DOK6: variants seen among roughly 807,000 people sequenced by gnomAD.
The protein encoded by DOK6 is docking protein 6.
Under a neutral mutation model 44.0 loss-of-function variants are expected in DOK6, and 22 were observed. The observed-to-expected ratio is 0.50, with a 90% CI of 0.36 to 0.71. DOK6 has a LOEUF of 0.71. Among genes scored for constraint, DOK6 ranks in the 30% least tolerant of loss-of-function variants. The pLI is 0.00. For missense variants in DOK6, 340 were observed against 416.4 expected (o/e 0.82, Z 1.60); for synonymous variants, 166 against 145.5 (o/e 1.14, Z -1.01).
chr18:69,410,529 A>G (rs962449440), intron 1 of DOK6, among the ~76,000 whole-genome samples: 15 of 152,248 alleles, frequency 9.9e-5, no homozygotes, highest in African/African-American at 3.6e-4. Context: ...ATGTAACACT[A>G]ATTTCCTGAC....
chr18:69,553,479 C>T (rs1982614673), intron 1 of DOK6, among the ~76,000 whole-genome samples: 1 of 152,116 alleles, frequency 6.6e-6, no homozygotes. Context: ...AAAACAGAGG[C>T]TTTGGAGACA....
intron 4 of DOK6, among the ~76,000 whole-genome samples, chr18:69,680,871 C>T (rs899895217): frequency 6.9e-5 from 10 of 145,598 alleles, no homozygotes; most frequent in African/African-American, 2.3e-4. Context: ...GTAGGGAAAG[C>T]ATTTTAGCTA....
chr18:69,530,282 A>C (rs2144572484), intron 1 of DOK6, among the ~76,000 whole-genome samples: 1 of 152,282 alleles, frequency 6.6e-6, no homozygotes, highest in South Asian at 2.1e-4. Context: ...TGGTGGTAGA[A>C]CTTTATATTG....
At chr18:69,506,536 T>C (rs1026887479) in intron 1 of DOK6, among the ~76,000 whole-genome samples, 6 of 152,174 alleles carry the variant, frequency 3.9e-5, no homozygotes, top group Admixed American at 6.6e-5. Flanking sequence ...TTATATTTAA[T>C]ATAATGCATT....
At chr18:69,566,111 GTTTATTTATTTATTTA>G (rs56218878) in intron 2 of DOK6, among the ~76,000 whole-genome samples, 6 of 150,118 alleles carry the variant, frequency 4.0e-5, no homozygotes, top group South Asian at 2.1e-4. Context: ...GTACAGCTCG[GTTTATTTATTTATTTA>G]TTTATTTATT....
chr18:69,571,447 T>C (rs141686113), intron 2 of DOK6, among the ~76,000 whole-genome samples: 21 of 152,094 alleles, frequency 1.4e-4, no homozygotes, highest in African/African-American at 4.3e-4. Context: ...AAAAATTATT[T>C]GAATGGAAAT....
intron 7 of DOK6, among the ~76,000 whole-genome samples, chr18:69,837,220 G>A (rs1179292629): frequency 6.6e-6 from 1 of 152,112 alleles, no homozygotes; most frequent in Non-Finnish European, 1.5e-5. Flanking sequence ...CAGTTCTGGA[G>A]ACCGGGAAGT....
At chr18:69,434,156 C>A (rs141705166) in intron 1 of DOK6, among the ~76,000 whole-genome samples, 1 of 152,144 alleles carries the variant, frequency 6.6e-6, no homozygotes, top group Non-Finnish European at 1.5e-5. Context: ...CCTGGTGGAG[C>A]CAGTAGAAGC....
At chr18:69,699,883 A>G (rs1231396949) in intron 5 of DOK6, among the ~76,000 whole-genome samples, 2 of 152,110 alleles carry the variant, frequency 1.3e-5, no homozygotes, top group Non-Finnish European at 2.9e-5. Context: ...AAGACTGGGC[A>G]ATTCACCAAA....
At chr18:69,512,248 CA>C (rs1981387469) in intron 1 of DOK6, among the ~76,000 whole-genome samples, 1 of 151,552 alleles carries the variant, frequency 6.6e-6, no homozygotes. Flanking sequence ...TCAATCAATG[CA>C]ATCGATGCTA....
chr18:69,633,532 C>T (rs1384503800), intron 3 of DOK6, among the ~76,000 whole-genome samples: 1 of 151,960 alleles, frequency 6.6e-6, no homozygotes, highest in Non-Finnish European at 1.5e-5. Context: ...TTATTTTTGC[C>T]GTAGTTTAAA....
chr18:69,795,082 C>G (rs1298160086), intron 7 of DOK6, among the ~76,000 whole-genome samples: 1 of 152,116 alleles, frequency 6.6e-6, no homozygotes, highest in East Asian at 1.9e-4. Flanking sequence ...ATCCCCCACC[C>G]TGATCCATGG....
Position 69,684,063 on chromosome 18 carries a change from A to G in DOK6, c.409+6210A>G, listed in dbSNP as rs1599261501. Among the ~76,000 whole-genome samples, 12 of 152,334 alleles carry G rather than the reference A, an allele frequency of 7.9e-5. 1 individual carries two copies. In the South Asian group the frequency reaches 2.5e-3, roughly 32 times the overall value. The stretch of plus-strand genomic sequence containing the variant: ...CAGCCCCTCTAGAAGAAATAAGATG[A>G]CACTAATGGATGAAACACAAAGTCT... On this transcript the variant is annotated intron_variant, in intron 4 of 7. Transcript: ENST00000382713.
At chr18:69,655,519 G>A (rs1985337939) in intron 3 of DOK6, among the ~76,000 whole-genome samples, 2 of 151,942 alleles carry the variant, frequency 1.3e-5, no homozygotes, top group Admixed American at 1.3e-4. Flanking sequence ...TTGGGAGGTC[G>A]AGGTGGGTGG....
chr18:69,476,324 A>G (rs2144526402), intron 1 of DOK6, among the ~76,000 whole-genome samples: 1 of 152,354 alleles, frequency 6.6e-6, no homozygotes, highest in South Asian at 2.1e-4. Context: ...AAGAATATAC[A>G]TAAGAGTAAA....
At chr18:69,579,739 T>C (rs1439726312) in intron 2 of DOK6, among the ~76,000 whole-genome samples, 1 of 152,060 alleles carries the variant, frequency 6.6e-6, no homozygotes, top group Admixed American at 6.6e-5. Flanking sequence ...AATTTTTGTA[T>C]ATTTTTGTTT....
intron 1 of DOK6, among the ~76,000 whole-genome samples, chr18:69,550,864 A>C (rs1599187135): frequency 6.8e-6 from 1 of 146,920 alleles, no homozygotes; most frequent in Non-Finnish European, 1.5e-5. Context: ...GCTCACTGAA[A>C]CCGCTGCCTC....
In DOK6 at chr18:69,847,474, C is replaced by T. The variant is rs1314391671; in HGVS notation, c.*6091C>T. 1 of 152,110 alleles carries T rather than the reference C, an allele frequency of 6.6e-6. No homozygotes were observed. Among genetic ancestry groups the T allele is most frequent in the Non-Finnish European group, 1.5e-5 (1 of 68,024 alleles). The allele number at this position is 152,110 out of a possible 1,614,324, so 9.4% of individuals were successfully genotyped here. ...TTATCAGATGTCCGAAATTCAGAAA[C>T]CCAAAGTCAGGCAAAGAAGGAAACT... On this transcript the variant is annotated 3_prime_UTR_variant, in exon 8 of 8. Coordinates refer to ENST00000382713, the MANE Select transcript of DOK6 (RefSeq NM_152721.6).
intron 1 of DOK6, among the ~76,000 whole-genome samples, chr18:69,417,137 T>C (rs1301547492): frequency 6.6e-6 from 1 of 152,170 alleles, no homozygotes; most frequent in African/African-American, 2.4e-5. Flanking sequence ...TTAACTTTAC[T>C]ATAGTCACCC....
Sources: allele counts gnomAD v4.1 joint callset (sites outside exome capture counted in the v4.1 genomes callset), GRCh38; gene constraint gnomAD v4.1.1; transcripts MANE v1.5; gene names NCBI Gene and HGNC (gene_info 2026-07-23, HGNC 2026-07-21).